The following OPHN1 variants were observed in gnomAD, a reference collection of about 807,000 sequenced individuals.
OPHN1 encodes the protein oligophrenin 1.
Under a neutral mutation model 60.7 loss-of-function variants are expected in OPHN1, and 11 were observed. The ratio of observed to expected loss-of-function variants is 0.18; its 90% CI spans 0.11 to 0.30. OPHN1 has a LOEUF of 0.30. OPHN1 is among the 10% of genes least tolerant of loss of function. The pLI, the probability that OPHN1 is intolerant of heterozygous loss-of-function variation, is 1.00. For synonymous variants in OPHN1, 226 were observed against 222.6 expected, an observed-to-expected ratio of 1.02 and a Z score of -0.14; for missense variants, 449 against 611.0, an observed-to-expected ratio of 0.73 and a Z score of 2.80.
At chrX:68,135,917 G>A (rs1402035856) in intron 15 of OPHN1, among the ~76,000 whole-genome samples, 1 of 111,530 alleles carries the variant, frequency 9.0e-6, no homozygotes, top group African/African-American at 3.3e-5. Context: ...TCTAATAGAT[G>A]GTTTGAAAAT....
chrX:68,195,008 A>AGAGAG (rs1218154363), intron 12 of OPHN1, among the ~76,000 whole-genome samples: 2 of 46,084 alleles, frequency 4.3e-5, no homozygotes, highest in Admixed American at 2.2e-4. Flanking sequence ...GAAAGAAAGG[A>AGAGAG]AGGAAGGAAG....
At chrX:68,340,833 G>A (rs1379326198) in intron 2 of OPHN1, among the ~76,000 whole-genome samples, 2 of 110,131 alleles carry the variant, frequency 1.8e-5, no homozygotes, top group Non-Finnish European at 3.8e-5. Flanking sequence ...ATGAAACCCT[G>A]TCTCTACTAA....
At chrX:68,165,643 C>T (rs1262373849) in intron 15 of OPHN1, among the ~76,000 whole-genome samples, 1 of 111,729 alleles carries the variant, frequency 9.0e-6, no homozygotes, top group Non-Finnish European at 1.9e-5. Flanking sequence ...AAAAATGTGA[C>T]ATAGAGATAA....
Position 68,387,415 on chromosome X carries a change from T to G in OPHN1, c.154+45452A>C, listed in dbSNP as rs1039724928. ...CCTGCTTCCACTCTCATTCCTATAATCCATTCAATGCACAGAGCCAGAAGT... is the reference window on the plus strand; with the variant it reads ...CCTGCTTCCACTCTCATTCCTATAAGCCATTCAATGCACAGAGCCAGAAGT... On this transcript the variant is annotated intron_variant, in intron 2 of 24. Transcript: ENST00000355520. Among the ~76,000 whole-genome samples, 29 of 111,572 alleles carry G rather than the reference T, an allele frequency of 2.6e-4. 1 individual carries two copies. Among genetic ancestry groups the G allele is most frequent in the African/African-American group, 8.5e-4 (26 of 30,725 alleles).
rs754671239 is a variant in OPHN1 at position 68,321,397 on chromosome X, T to A, written c.155-22301A>T. On this transcript the variant is annotated intron_variant, in intron 2 of 24. Coordinates refer to ENST00000355520, the MANE Select transcript of OPHN1 (RefSeq NM_002547.3). ...CTACCCCTTAGAACCCTGCTGGCCT[T>A]ACATCAGAAGGATACAGAATTCAAA... Among the ~76,000 whole-genome samples the A allele has an allele frequency of 6.2e-5, 7 of 112,088 alleles. No individual in the cohort carries two copies. In the East Asian group the frequency reaches 2.0e-3, roughly 31 times the overall value.
At chrX:68,176,757 C>T (rs763332369) in intron 15 of OPHN1, among the ~76,000 whole-genome samples, 1 of 110,942 alleles carries the variant, frequency 9.0e-6, no homozygotes, top group South Asian at 3.8e-4. Context: ...TGATGATGAC[C>T]TTGAGTAGTA....
At chrX:68,166,003 CA>C (rs2077356521) in intron 15 of OPHN1, among the ~76,000 whole-genome samples, 2 of 112,142 alleles carry the variant, frequency 1.8e-5, no homozygotes, top group Non-Finnish European at 3.8e-5. Context: ...TGAACAACTG[CA>C]AAAAGATGCA....
chrX:68,404,789 T>C (rs1319224746), intron 2 of OPHN1, among the ~76,000 whole-genome samples: 1 of 111,548 alleles, frequency 9.0e-6, no homozygotes, highest in Non-Finnish European at 1.9e-5. Flanking sequence ...GTGAAAGAAC[T>C]CTGAGAATGT....
At chrX:68,179,805 T>C (rs946346862) in intron 15 of OPHN1, among the ~76,000 whole-genome samples, 76 of 111,763 alleles carry the variant, frequency 6.8e-4, no homozygotes, top group African/African-American at 2.4e-3. Context: ...CATGACATTG[T>C]CATCTGGTGA....
intron 19 of OPHN1, among the ~76,000 whole-genome samples, chrX:68,085,155 C>T (rs778512938): frequency 1.8e-4 from 20 of 112,049 alleles, no homozygotes; most frequent in Non-Finnish European, 3.4e-4. Context: ...ACTGCTATTC[C>T]TTTTGGGAAG....
chrX:68,376,340 C>T (rs1467361275), intron 2 of OPHN1, among the ~76,000 whole-genome samples: 1 of 111,393 alleles, frequency 9.0e-6, no homozygotes, highest in East Asian at 2.8e-4. Context: ...AGGATGTGAA[C>T]TTAAAGTTTG....
chrX:68,061,627 G>A (rs1279385965), intron 21 of OPHN1, among the ~76,000 whole-genome samples: 5 of 111,690 alleles, frequency 4.5e-5, no homozygotes, highest in African/African-American at 9.8e-5. Context: ...TTTGAATGCT[G>A]ATTATACGCC....
chrX:68,375,482 T>C (rs910067752), intron 2 of OPHN1, among the ~76,000 whole-genome samples: 5 of 111,953 alleles, frequency 4.5e-5, no homozygotes, highest in African/African-American at 1.3e-4. Flanking sequence ...TCTAGACTTA[T>C]TCCAAACTTC....
chrX:68,306,724 A>T (rs994942277), intron 2 of OPHN1, among the ~76,000 whole-genome samples: 1 of 111,490 alleles, frequency 9.0e-6, no homozygotes, highest in African/African-American at 3.3e-5. Flanking sequence ...TTTTCCCCAA[A>T]TTCATCTTCT....
intron 5 of OPHN1, among the ~76,000 whole-genome samples, chrX:68,236,573 T>C (rs1200286632): frequency 9.0e-6 from 1 of 111,714 alleles, no homozygotes; most frequent in African/African-American, 3.3e-5. Flanking sequence ...TCCACCCACC[T>C]TCAAAAAGCC....
chrX:68,299,210 G>A, intron 2 of OPHN1, 114 bp from the exon 3 acceptor site: 1 of 454,232 alleles, frequency 2.2e-6, no homozygotes, highest in East Asian at 4.7e-5. Context: ...TGAGCAGGTT[G>A]CAACTAGCAT....
intron 6 of OPHN1, among the ~76,000 whole-genome samples, chrX:68,226,198 C>T (rs954069659): frequency 5.1e-4 from 57 of 111,374 alleles, no homozygotes; most frequent in Non-Finnish European, 8.1e-4. Context: ...TAAAAAGAAA[C>T]GAGCAAAGCC....
rs1409251275 is a variant in OPHN1 at position 68,159,229 on chromosome X, AT to A, written c.1276+33689del. Among the ~76,000 whole-genome samples, 3 of 107,770 alleles carry A rather than the reference AT, an allele frequency of 2.8e-5. No individual in the cohort carries two copies. In the Admixed American group the frequency reaches 2.9e-4, roughly 11 times the overall value. 93.6% of individuals were successfully genotyped at this position (107,770 alleles called of 115,157 possible). A position where few individuals can be genotyped will look rare whatever the true frequency, so the allele number is the denominator to read the frequency against. On this transcript the variant is annotated intron_variant, in intron 15 of 24. Transcript: ENST00000355520. ...GTGTAGATTTTTGTGGTAAGCAATTATGAGGAGGTTAGTAGTTTAATGAGCT... is the reference window on the plus strand; with the variant it reads ...GTGTAGATTTTTGTGGTAAGCAATTAGAGGAGGTTAGTAGTTTAATGAGCT...
At chrX:68,098,109 C>T (rs774122581) in intron 18 of OPHN1, among the ~76,000 whole-genome samples, 31 of 110,565 alleles carry the variant, frequency 2.8e-4, no homozygotes, top group Non-Finnish European at 3.8e-4. Context: ...GGAATATCCC[C>T]CCTCTCCCTA....
Sources: allele counts gnomAD v4.1 joint callset (sites outside exome capture counted in the v4.1 genomes callset), GRCh38; gene constraint gnomAD v4.1.1; transcripts MANE v1.5; gene names NCBI Gene and HGNC (gene_info 2026-07-23, HGNC 2026-07-21).